ZBTB20: variants seen among roughly 807,000 people sequenced by gnomAD.
ZBTB20 encodes the protein zinc finger and BTB domain containing 20.
In ZBTB20, 9 loss-of-function variants were observed where a neutral mutation model predicts 56.9. That is an observed-to-expected ratio of 0.16 (90% confidence interval 0.10 to 0.28). The LOEUF (loss-of-function observed/expected upper bound fraction) is 0.28. Among genes scored for constraint, ZBTB20 ranks in the 10% least tolerant of loss-of-function variants. ZBTB20 has a pLI of 1.00. For synonymous variants in ZBTB20, 417 were observed against 420.7 expected (o/e 0.99, Z 0.11); for missense variants, 655 against 1,003.0 (o/e 0.65, Z 4.69).
intron 3 of ZBTB20, among the ~76,000 whole-genome samples, chr3:114,903,400 C>G (rs970639099): frequency 1.3e-5 from 2 of 152,062 alleles, no homozygotes; most frequent in Non-Finnish European, 2.9e-5. Flanking sequence ...GAAAGCATGT[C>G]TGTCCCTTTA....
intron 6 of ZBTB20, among the ~76,000 whole-genome samples, chr3:114,600,046 G>A (rs2056640310): frequency 6.6e-6 from 1 of 151,970 alleles, no homozygotes; most frequent in African/African-American, 2.4e-5. Context: ...CATCACAGAG[G>A]TTTATCTTGA....
intron 1 of ZBTB20, among the ~76,000 whole-genome samples, chr3:115,095,477 T>C (rs1005193164): frequency 6.6e-6 from 1 of 152,182 alleles, no homozygotes; most frequent in Non-Finnish European, 1.5e-5. Flanking sequence ...AGAGAGGTTA[T>C]GAAGCCAAAG....
chr3:114,360,565 C>A (rs964500994), intron 10 of ZBTB20, among the ~76,000 whole-genome samples: 2 of 150,714 alleles, frequency 1.3e-5, no homozygotes, highest in Admixed American at 6.6e-5. Flanking sequence ...GTTGGTCAGG[C>A]TGGTCTCGAA....
intron 10 of ZBTB20, among the ~76,000 whole-genome samples, chr3:114,371,268 A>G (rs549497450): frequency 6.6e-6 from 1 of 152,274 alleles, no homozygotes; most frequent in South Asian, 2.1e-4. Flanking sequence ...TATACTTTAC[A>G]AACTTTCTAA....
intron 6 of ZBTB20, among the ~76,000 whole-genome samples, chr3:114,508,750 CA>C (rs2044962785): frequency 6.6e-6 from 1 of 152,048 alleles, no homozygotes; most frequent in African/African-American, 2.4e-5. Flanking sequence ...TTTTATTTTG[CA>C]ACCCATTATT....
At chr3:114,851,792 C>G (rs2075012527) in intron 4 of ZBTB20, among the ~76,000 whole-genome samples, 2 of 151,996 alleles carry the variant, frequency 1.3e-5, no homozygotes, top group Non-Finnish European at 2.9e-5. Flanking sequence ...CTGTAATAGT[C>G]ATGTTTAAAG....
rs149310234 is a variant in ZBTB20, at chr3:114,776,882, C to T, written c.-343+24219G>A. On this transcript the variant is annotated intron_variant, in intron 5 of 11. Coordinates refer to ENST00000675478, the MANE Select transcript of ZBTB20 (RefSeq NM_001348800.3). ...CAAGGGCATTCAACAGAAGATTAAA[C>T]AGATTATGAATGTAAATGTTCTAAT... is the stretch of plus-strand genomic sequence containing the variant. Among the ~76,000 whole-genome samples, 713 of 152,276 alleles carry T rather than the reference C, an allele frequency of 4.7e-3. 3 individuals are homozygous for T. The highest frequency in any genetic ancestry group is 0.016 in the African/African-American group (675 of 41,558).
intron 6 of ZBTB20, among the ~76,000 whole-genome samples, chr3:114,551,801 G>A (rs909917131): frequency 1.3e-4 from 20 of 152,184 alleles, no homozygotes; most frequent in Admixed American, 7.9e-4. Flanking sequence ...TAGAGTAGAC[G>A]TGTCCCAATT....
At chr3:114,753,964 G>T (rs1002789063) in intron 5 of ZBTB20, among the ~76,000 whole-genome samples, 4 of 152,226 alleles carry the variant, frequency 2.6e-5, no homozygotes, top group South Asian at 2.1e-4. Context: ...TTCCCAAAAG[G>T]TTTCCAGGAA....
At chr3:114,810,849 T>A (rs926657818) in intron 4 of ZBTB20, among the ~76,000 whole-genome samples, 3 of 152,106 alleles carry the variant, frequency 2.0e-5, no homozygotes, top group African/African-American at 7.2e-5. Flanking sequence ...GTTTTCATAA[T>A]GGTTACATGT....
chr3:114,583,996 AT>A (rs2054917060), intron 6 of ZBTB20, among the ~76,000 whole-genome samples: 1 of 152,194 alleles, frequency 6.6e-6, no homozygotes, highest in East Asian at 1.9e-4. Context: ...ATACATTCAC[AT>A]TTCTAAAGTG....
chr3:115,117,916 G>A (rs1271693708), intron 1 of ZBTB20, among the ~76,000 whole-genome samples: 1 of 152,092 alleles, frequency 6.6e-6, no homozygotes, highest in Non-Finnish European at 1.5e-5. Flanking sequence ...TCTATCTCTA[G>A]GTGTATGGGA....
At chr3:115,146,733 G>A (rs765137521) in intron 1 of ZBTB20, among the ~76,000 whole-genome samples, 4 of 152,312 alleles carry the variant, frequency 2.6e-5, no homozygotes, top group African/African-American at 9.6e-5. Flanking sequence ...GGGAGGGCGA[G>A]GAGGGAGGGG....
intron 5 of ZBTB20, among the ~76,000 whole-genome samples, chr3:114,781,137 A>AT (rs1469542713): frequency 6.6e-6 from 1 of 152,178 alleles, no homozygotes; most frequent in Non-Finnish European, 1.5e-5. Context: ...TTAAAAACTA[A>AT]TTTTTTTAAT....
At chr3:114,469,351 T>A (rs2039856630) in intron 7 of ZBTB20, among the ~76,000 whole-genome samples, 1 of 152,154 alleles carries the variant, frequency 6.6e-6, no homozygotes, top group African/African-American at 2.4e-5. Flanking sequence ...TTAACACCCA[T>A]GAAGAATTTA....
At chr3:114,879,977 T>C (rs1403554480) in intron 4 of ZBTB20, among the ~76,000 whole-genome samples, 1 of 152,156 alleles carries the variant, frequency 6.6e-6, no homozygotes, top group African/African-American at 2.4e-5. Context: ...TTCCTCAAAA[T>C]TAAATATTTG....
chr3:114,536,283 G>C (rs1263197041), intron 6 of ZBTB20, among the ~76,000 whole-genome samples: 1 of 152,148 alleles, frequency 6.6e-6, no homozygotes, highest in East Asian at 1.9e-4. Flanking sequence ...AAGCTGATAA[G>C]CAACTTCAGC....
intron 6 of ZBTB20, among the ~76,000 whole-genome samples, chr3:114,659,648 C>A (rs556287141): frequency 1.1e-4 from 16 of 152,112 alleles, no homozygotes; most frequent in Non-Finnish European, 2.1e-4. Flanking sequence ...CCCTCTGGCT[C>A]CCTGCATGCT....
intron 1 of ZBTB20, among the ~76,000 whole-genome samples, chr3:115,083,835 G>C (rs1318755264): frequency 6.6e-6 from 1 of 151,834 alleles, no homozygotes; most frequent in Admixed American, 6.6e-5. Flanking sequence ...GAAATGGTAG[G>C]GAGCAGAGAG....
Sources: gnomAD v4.1 joint callset for allele counts (sites outside exome capture counted in the v4.1 genomes callset) on GRCh38, gnomAD v4.1.1 for gene constraint, MANE v1.5 for transcripts, NCBI Gene and HGNC (gene_info 2026-07-23, HGNC 2026-07-21) for gene names.